SPATC1L: variants seen among roughly 807,000 people sequenced by gnomAD.
The protein encoded by SPATC1L is speriolin-like protein.
A neutral mutation model predicts 21.2 loss-of-function variants in SPATC1L; 20 were observed. The observed-to-expected ratio is 0.94, with a 90% CI of 0.66 to 1.37. The LOEUF (loss-of-function observed/expected upper bound fraction) is 1.37, where lower values mean the gene tolerates loss of function less well. Among genes scored for constraint, SPATC1L ranks in the 40% most tolerant of loss-of-function variants. SPATC1L has a pLI of 0.00. For missense variants in SPATC1L, 499 were observed against 478.7 expected (o/e 1.04, Z -0.40); for synonymous variants, 290 against 234.5 (o/e 1.24, Z -2.16).
At chr21:46,177,604 A>G (rs780820343) in intron 2 of SPATC1L, among the ~76,000 whole-genome samples, 3 of 152,222 alleles carry the variant, frequency 2.0e-5, no homozygotes, top group Non-Finnish European at 2.9e-5. Context: ...TCAAAAAACA[A>G]CAGATGCTGG....
At chr21:46,168,062 T>C (rs1232047623) in intron 3 of SPATC1L, among the ~76,000 whole-genome samples, 1 of 152,072 alleles carries the variant, frequency 6.6e-6, no homozygotes, top group Non-Finnish European at 1.5e-5. Context: ...AGGACTCATA[T>C]CCAGACACAT....
intron 3 of SPATC1L, among the ~76,000 whole-genome samples, chr21:46,165,280 C>T (rs750460664): frequency 6.6e-6 from 1 of 152,196 alleles, no homozygotes; most frequent in Non-Finnish European, 1.5e-5. Flanking sequence ...AACTGGCCTG[C>T]TTGGGAAGGT....
chr21:46,161,643 GCGCTGCGTCAGCTCGCGCAGCTTCCTCT>G lies in SPATC1L; in HGVS notation c.731_758del (p.Glu244AlafsTer5). On this transcript the variant is annotated frameshift_variant, in exon 5 of 5. Coordinates refer to ENST00000291672, the MANE Select transcript of SPATC1L (RefSeq NM_001142854.2). LOFTEE classifies it high-confidence loss of function. ...CCAGGCGCGCGCTCAGGGCCAGGTA[GCGCTGCGTCAGCTCGCGCAGCTTCCTCT>G]CGTCCACGGAGCCGTCCAGAGACTT... The G allele has an allele frequency of 6.2e-7, 1 of 1,610,180 alleles. No individual in the cohort carries two copies. The highest frequency in any genetic ancestry group is 1.1e-5 in the South Asian group (1 of 90,774).
At chr21:46,180,441 G>C (rs557581397) in intron 2 of SPATC1L, among the ~76,000 whole-genome samples, 1 of 152,210 alleles carries the variant, frequency 6.6e-6, no homozygotes, top group Non-Finnish European at 1.5e-5. Flanking sequence ...CCTCCATGGC[G>C]TTTATAAGTT....
chr21:46,179,542 G>A (rs1220841351), intron 2 of SPATC1L, among the ~76,000 whole-genome samples: 4 of 152,098 alleles, frequency 2.6e-5, no homozygotes, highest in Non-Finnish European at 4.4e-5. Context: ...CATCCGAATC[G>A]GCAATATTGC....
rs2079481681 is a variant in SPATC1L, at chr21:46,161,182, G to A, written c.*197C>T. 2.2e-6 allele frequency: 1 copy of A among 447,700 alleles called. No individual in the cohort carries two copies. Among genetic ancestry groups the A allele is most frequent in the African/African-American group, 2.1e-5 (1 of 47,896 alleles). 27.7% of individuals were successfully genotyped at this position (447,700 alleles called of 1,614,324 possible). Reference sequence around the variant, plus strand: ...ACATGCAAACGGATGATTTTAATGAGGGGTGAGAAGCACTCCGCAGGTGCG... The same window carrying A: ...ACATGCAAACGGATGATTTTAATGAAGGGTGAGAAGCACTCCGCAGGTGCG... On this transcript the variant is annotated 3_prime_UTR_variant, in exon 5 of 5. Transcript: ENST00000291672.
At chr21:46,181,141 A>G (rs1048243254) in intron 2 of SPATC1L, among the ~76,000 whole-genome samples, 1 of 152,180 alleles carries the variant, frequency 6.6e-6, no homozygotes, top group African/African-American at 2.4e-5. Flanking sequence ...GGCGGTCCAC[A>G]CACGCCAAAC....
In SPATC1L at chr21:46,168,579, G is replaced by A. The variant is rs2079558715; in HGVS notation, c.273C>T (p.Cys91=). 6.8e-7 allele frequency: 1 copy of A among 1,462,688 alleles called. No homozygotes were observed. The highest frequency in any genetic ancestry group is 9.2e-7 in the Non-Finnish European group (1 of 1,091,002). 90.6% of individuals were successfully genotyped at this position (1,462,688 alleles called of 1,614,324 possible). ...LQTSSLEDLL[C]SHAPLSSEDD... is the part of the protein sequence containing the mutation. ...CCTCGCTGGACAGGGGGGCATGTGAGCACAGCAGGTCCTCCAGGGAGGATG... is the reference window on the plus strand; with the variant it reads ...CCTCGCTGGACAGGGGGGCATGTGAACACAGCAGGTCCTCCAGGGAGGATG... The change falls in exon 3 of 5, where the codon TGC becomes TGT. Residue 91 remains cysteine, a synonymous_variant. Transcript: ENST00000291672.
intron 2 of SPATC1L, among the ~76,000 whole-genome samples, chr21:46,169,451 C>G (rs562373161): frequency 9.3e-6 from 1 of 107,222 alleles, no homozygotes; most frequent in South Asian, 2.9e-4. Context: ...CTGTGAGCAT[C>G]CTCTGTGGAT....
chr21:46,183,089 A>C lies in SPATC1L; in HGVS notation c.-273T>G. The C allele has an allele frequency of 2.1e-6, 1 of 467,172 alleles. No homozygotes were observed. 28.9% of individuals were successfully genotyped at this position (467,172 alleles called of 1,614,324 possible). ...ATTATGACCAGGGCCCGAGAATGCC[A>C]AGGACATTAGGCAGCTACGGGATGT... On this transcript the variant is annotated 5_prime_UTR_variant, in exon 2 of 5. Transcript: ENST00000291672.
Position 46,184,230 on chromosome 21 carries a change from C to G in SPATC1L, c.-959+126G>C, listed in dbSNP as rs1417294287. The G allele has an allele frequency of 2.0e-5, 3 of 153,838 alleles. No homozygotes were observed. The Admixed American group carries it at 2.0e-4, about 10-fold the overall frequency. The allele number at this position is 153,838 out of a possible 1,614,324, so 9.5% of individuals were successfully genotyped here. The stretch of plus-strand genomic sequence containing the variant: ...CGCCCCCAACCCATGGCCACGGCCC[C>G]TCGGGCCGTCACACAGGGCTGCGGC... On this transcript the variant is annotated intron_variant, in intron 1 of 4. Transcript: ENST00000291672.
At chr21:46,173,727 C>T (rs971116728) in intron 2 of SPATC1L, among the ~76,000 whole-genome samples, 11 of 152,182 alleles carry the variant, frequency 7.2e-5, no homozygotes, top group Non-Finnish European at 1.3e-4. Context: ...TAACTGCACA[C>T]AGTCTCCAAC....
chr21:46,162,832 C>G (rs930658230), intron 3 of SPATC1L, among the ~76,000 whole-genome samples: 1 of 152,148 alleles, frequency 6.6e-6, no homozygotes, highest in African/African-American at 2.4e-5. Context: ...GGTGATCCGC[C>G]CACCTCAGCC....
chr21:46,167,630 C>T (rs981768875), intron 3 of SPATC1L, among the ~76,000 whole-genome samples: 1 of 152,088 alleles, frequency 6.6e-6, no homozygotes, highest in Admixed American at 6.5e-5. Context: ...GCCTGGGCAT[C>T]GTAGCAAAAT....
intron 3 of SPATC1L, among the ~76,000 whole-genome samples, chr21:46,166,940 C>T (rs749843123): frequency 5.3e-5 from 8 of 152,182 alleles, no homozygotes; most frequent in Non-Finnish European, 1.0e-4. Flanking sequence ...TAGATATTTA[C>T]AGAACATTTC....
Position 46,161,219 on chromosome 21 carries a change from G to A in SPATC1L, c.*160C>T. ...ACTCCGCAGGTGCGGGCAGCGGCGG[G>A]CTGCGGTCGGGGCCCAGCACCGGTG... is the stretch of plus-strand genomic sequence containing the variant. On this transcript the variant is annotated 3_prime_UTR_variant, in exon 5 of 5. Coordinates refer to ENST00000291672, the MANE Select transcript of SPATC1L (RefSeq NM_001142854.2). 1 of 576,294 alleles carries A rather than the reference G, an allele frequency of 1.7e-6. No homozygotes were observed. The highest frequency in any genetic ancestry group is 3.5e-5 in the South Asian group (1 of 28,630). 35.7% of individuals were successfully genotyped at this position (576,294 alleles called of 1,614,324 possible).
chr21:46,163,007 G>C (rs969459737), intron 3 of SPATC1L, among the ~76,000 whole-genome samples: 4 of 152,220 alleles, frequency 2.6e-5, no homozygotes, highest in African/African-American at 9.6e-5. Flanking sequence ...GTCCGTAACA[G>C]CACATGACCT....
rs2079486065 is a variant in SPATC1L at position 46,161,404 on chromosome 21, T to C, written c.998A>G (p.Asp333Gly). ...TCACCAGGCGAAGAGGGGCTTGCCG[T>C]CCTCCTTGGAGAGCTCGCACAGGCA... ...LNCLCELSKE[D>G]GKPLFAW is the part of the protein sequence containing the mutation. The change falls in exon 5 of 5, where the codon GAC becomes GGC. Residue 333 changes from aspartate (D) to glycine (G), a missense_variant. Coordinates refer to ENST00000291672, the MANE Select transcript of SPATC1L (RefSeq NM_001142854.2). 2 of 1,530,682 alleles carry C rather than the reference T, an allele frequency of 1.3e-6. No individual in the cohort carries two copies. The highest frequency in any genetic ancestry group is 1.9e-5 in the Admixed American group (1 of 53,082). 94.8% of individuals were successfully genotyped at this position (1,530,682 alleles called of 1,614,324 possible).
At chr21:46,165,888 G>A (rs1302610650) in intron 3 of SPATC1L, among the ~76,000 whole-genome samples, 2 of 152,126 alleles carry the variant, frequency 1.3e-5, no homozygotes, top group African/African-American at 4.8e-5. Context: ...GGAATTTGTA[G>A]GGGGAAAATG....
Sources: gnomAD v4.1 joint callset for allele counts (sites outside exome capture counted in the v4.1 genomes callset) on GRCh38, gnomAD v4.1.1 for gene constraint, MANE v1.5 for transcripts, NCBI Gene and HGNC (gene_info 2026-07-23, HGNC 2026-07-21) for gene names.